FARP1: variants seen among roughly 807,000 people sequenced by gnomAD.
The protein encoded by FARP1 is FERM, ARH/RhoGEF and pleckstrin domain protein 1.
FARP1 carries 52 observed loss-of-function variants against 128.8 expected under a neutral mutation model. The observed-to-expected ratio is 0.40, with a 90% confidence interval of 0.32 to 0.51. FARP1 has a LOEUF of 0.51. Among genes scored for constraint, FARP1 ranks in the 20% least tolerant of loss-of-function variants. The probability of loss-of-function intolerance (pLI) is 0.45; values close to 1 mark genes in which losing one functional copy is unlikely to be tolerated. For missense variants in FARP1, 1,333 were observed against 1,367.9 expected (o/e 0.97, Z 0.40); for synonymous variants, 580 against 551.8 (o/e 1.05, Z -0.72).
At chr13:98,211,545 A>C (rs1880709209) in intron 1 of FARP1, among the ~76,000 whole-genome samples, 1 of 152,200 alleles carries the variant, frequency 6.6e-6, no homozygotes, top group Non-Finnish European at 1.5e-5. Context: ...TCTAAAATAC[A>C]TCTTGAACTC....
intron 6 of FARP1, among the ~76,000 whole-genome samples, chr13:98,381,029 C>G (rs1161827230): frequency 6.6e-6 from 1 of 152,180 alleles, no homozygotes; most frequent in East Asian, 1.9e-4. Context: ...CCATTTTCCC[C>G]CCAGAAACCA....
chr13:98,234,976 C>T (rs1882334955), intron 2 of FARP1, among the ~76,000 whole-genome samples: 2 of 152,166 alleles, frequency 1.3e-5, no homozygotes, highest in Non-Finnish European at 2.9e-5. Context: ...CCAGTGATAT[C>T]AATCAAAATA....
intron 2 of FARP1, among the ~76,000 whole-genome samples, chr13:98,331,502 A>T (rs1044402725): frequency 7.2e-5 from 11 of 152,168 alleles, no homozygotes; most frequent in Admixed American, 3.3e-4. Flanking sequence ...GTTTTATTTT[A>T]TAGTGATTAA....
chr13:98,424,428 T>G, intron 16 of FARP1, 144 bp from the exon 17 acceptor site: 1 of 641,710 alleles, frequency 1.6e-6, no homozygotes. Context: ...CTTCCAACGA[T>G]AACATTCCAT....
At chr13:98,163,739 G>A (rs537817481) in intron 1 of FARP1, among the ~76,000 whole-genome samples, 2 of 145,536 alleles carry the variant, frequency 1.4e-5, no homozygotes, top group Non-Finnish European at 1.5e-5. Context: ...ACGGAGTTTC[G>A]CTCTTGTCGC....
At chr13:98,175,596 G>A (rs1390830295) in intron 1 of FARP1, among the ~76,000 whole-genome samples, 1 of 151,594 alleles carries the variant, frequency 6.6e-6, no homozygotes, top group Non-Finnish European at 1.5e-5. Flanking sequence ...CTCATATTAG[G>A]TATATATATA....
At chr13:98,260,115 C>T (rs1161972256) in intron 2 of FARP1, among the ~76,000 whole-genome samples, 1 of 152,032 alleles carries the variant, frequency 6.6e-6, no homozygotes, top group Non-Finnish European at 1.5e-5. Context: ...ATAAGTAAGC[C>T]TTACATTGGG....
intron 1 of FARP1, among the ~76,000 whole-genome samples, chr13:98,173,995 A>G (rs1447567888): frequency 6.6e-6 from 1 of 152,178 alleles, no homozygotes; most frequent in Non-Finnish European, 1.5e-5. Flanking sequence ...TCAGCTCCCA[A>G]GGAATGTGTG....
chr13:98,435,571 C>T lies in FARP1; in HGVS notation c.2144-5C>T, dbSNP rs1481578792. ...CTGCAGACTGTGTATGTCTTTCCTT[C>T]ACAGCCGCTTTGGCAGAGATCACGG... is the stretch of plus-strand genomic sequence containing the variant. On this transcript the variant is annotated splice_region_variant and splice_polypyrimidine_tract_variant and intron_variant, in intron 18 of 26. Transcript: ENST00000319562. 4 of 1,607,382 alleles carry T rather than the reference C, an allele frequency of 2.5e-6. No individual in the cohort carries two copies. The highest frequency in any genetic ancestry group is 1.1e-5 in the South Asian group (1 of 89,786).
At position 98,289,532 on chromosome 13, in the gene FARP1, AT is replaced by A. The variant is rs1283512985; in HGVS notation, c.172-54228del. On this transcript the variant is annotated intron_variant, in intron 2 of 26. Coordinates refer to ENST00000319562, the MANE Select transcript of FARP1 (RefSeq NM_005766.4). ...ATTTGGTTATCTTCAGCTGGGCAGC[AT>A]TCTTCCAGCTCGTATTGAGCTTGAC... 2.0e-5 allele frequency among the ~76,000 whole-genome samples: 3 copies of A among 152,344 alleles called. No homozygotes were observed. In the East Asian group the frequency reaches 5.8e-4, roughly 29 times the overall value.
intron 2 of FARP1, among the ~76,000 whole-genome samples, chr13:98,217,229 A>AT (rs1191226014): frequency 1.3e-5 from 2 of 151,850 alleles, no homozygotes; most frequent in Non-Finnish European, 2.9e-5. Context: ...AGCCATTTTT[A>AT]TTTTTTATTT....
chr13:98,428,911 C>G (rs1171939616), intron 17 of FARP1, among the ~76,000 whole-genome samples: 1 of 151,830 alleles, frequency 6.6e-6, no homozygotes, highest in Non-Finnish European at 1.5e-5. Flanking sequence ...GCGACACACA[C>G]ATGCACGCAC....
At chr13:98,226,594 C>T (rs959536330) in intron 2 of FARP1, among the ~76,000 whole-genome samples, 2 of 151,954 alleles carry the variant, frequency 1.3e-5, no homozygotes, top group Non-Finnish European at 2.9e-5. Flanking sequence ...GCTGCTGTGA[C>T]TTCTAGCTGT....
intron 2 of FARP1, among the ~76,000 whole-genome samples, chr13:98,235,849 G>C (rs1158131168): frequency 7.1e-6 from 1 of 140,788 alleles, no homozygotes; most frequent in East Asian, 2.1e-4. Context: ...CTGAGACAGA[G>C]TTTCGCTCTT....
intron 2 of FARP1, among the ~76,000 whole-genome samples, chr13:98,296,785 G>A (rs1489027035): frequency 1.4e-5 from 2 of 146,580 alleles, no homozygotes; most frequent in African/African-American, 5.0e-5. Flanking sequence ...TCCCAACTCA[G>A]GTGATCCTCT....
intron 6 of FARP1, among the ~76,000 whole-genome samples, chr13:98,378,514 C>A (rs1889689193): frequency 6.6e-6 from 1 of 152,256 alleles, no homozygotes; most frequent in East Asian, 1.9e-4. Flanking sequence ...ATAAAATATA[C>A]ACATTATGTT....
At chr13:98,386,734 T>G (rs1890112162) in intron 8 of FARP1, among the ~76,000 whole-genome samples, 1 of 152,150 alleles carries the variant, frequency 6.6e-6, no homozygotes, top group African/African-American at 2.4e-5. Context: ...GTTAGGAAGT[T>G]GTAAATATGT....
rs775790235 is a variant in FARP1, at chr13:98,446,622, A to C, written c.2905-44A>C. 4 of 1,603,622 alleles carry C rather than the reference A, an allele frequency of 2.5e-6. No individual in the cohort carries two copies. In the East Asian group the frequency reaches 6.7e-5, roughly 27 times the overall value. ...GGGCAGCAGCCAGGCCCAGCAGCAG[A>C]AGCTGACCCCGAAAAGCCACTTTGC... On this transcript the variant is annotated intron_variant, in intron 25 of 26. Coordinates refer to ENST00000319562, the MANE Select transcript of FARP1 (RefSeq NM_005766.4).
rs1225494444 is a variant in FARP1 at position 98,379,061 on chromosome 13, TATATA to T, written c.496+1149_496+1153del. ...TATACAATATGTAATCTATATATAA[TATATA>T]ATATATGTAATATGTAATCTATATA... On this transcript the variant is annotated intron_variant, in intron 6 of 26. Coordinates refer to ENST00000319562, the MANE Select transcript of FARP1 (RefSeq NM_005766.4). Among the ~76,000 whole-genome samples, 44 of 94,038 alleles carry T rather than the reference TATATA, an allele frequency of 4.7e-4. 10 individuals are homozygous for T. Among genetic ancestry groups the T allele is most frequent in the Non-Finnish European group, 7.3e-4 (38 of 52,146 alleles). The allele number at this position is 94,038 out of a possible 152,430, so 61.7% of individuals were successfully genotyped here.
Sources: gnomAD v4.1 joint callset for allele counts (sites outside exome capture counted in the v4.1 genomes callset) on GRCh38, gnomAD v4.1.1 for gene constraint, MANE v1.5 for transcripts, NCBI Gene and HGNC (gene_info 2026-07-23, HGNC 2026-07-21) for gene names.